Variants in ANK2 observed in about 807,000 individuals in gnomAD.
The protein encoded by ANK2 is ankyrin 2.
A neutral mutation model predicts 360.5 loss-of-function variants in ANK2; 83 were observed. The observed-to-expected ratio is 0.23, with a 90% confidence interval of 0.19 to 0.28. ANK2 has a LOEUF of 0.28. Among genes scored for constraint, ANK2 ranks in the 10% least tolerant of loss-of-function variants. ANK2 has a pLI of 1.00. For missense variants in ANK2, 4,201 were observed against 4,795.7 expected (o/e 0.88, Z 3.66); for synonymous variants, 1,740 against 1,759.5 (o/e 0.99, Z 0.28).
intron 2 of ANK2, among the ~76,000 whole-genome samples, chr4:112,943,460 T>G (rs1298857275): frequency 6.6e-6 from 1 of 151,982 alleles, no homozygotes; most frequent in Non-Finnish European, 1.5e-5. Context: ...GAGAATCAGA[T>G]TCCTGTTACT....
At position 113,246,470 on chromosome 4, in the gene ANK2, T is replaced by C. The variant is rs113081610; in HGVS notation, c.892-3294T>C. Among the ~76,000 whole-genome samples, 58 of 152,312 alleles carry C rather than the reference T, an allele frequency of 3.8e-4. 1 individual carries two copies. Among genetic ancestry groups the C allele is most frequent in the African/African-American group, 1.4e-3 (57 of 41,576 alleles). On this transcript the variant is annotated intron_variant, in intron 9 of 45. Transcript: ENST00000357077. The stretch of plus-strand genomic sequence containing the variant: ...TTACTGGTATCTGAAAGACCTCATT[T>C]CAATGTGAAAACGTAAATTTTATAG...
In ANK2 at chr4:112,850,294, A is replaced by C. The variant is rs562688238; in HGVS notation, c.-40+32030A>C. On this transcript the variant is annotated intron_variant, in intron 1 of 30. Coordinates refer to the ANK2 transcript ENST00000503271. ...TATCTATCTATCTATCTATCTATCT[A>C]TCTATCTAATTTGTTCATCCATCCA... Among the ~76,000 whole-genome samples the C allele has an allele frequency of 3.7e-5, 5 of 136,228 alleles. 1 individual carries two copies. Among genetic ancestry groups the C allele is most frequent in the African/African-American group, 8.6e-5 (3 of 34,838 alleles). 89.4% of individuals were successfully genotyped at this position (136,228 alleles called of 152,430 possible). A position where few individuals can be genotyped will look rare whatever the true frequency, so the allele number is the denominator to read the frequency against.
Position 112,985,699 on chromosome 4 carries a change from C to T in ANK2, c.21+81185C>T, listed in dbSNP as rs184956363. Among the ~76,000 whole-genome samples, 67 of 152,246 alleles carry T rather than the reference C, an allele frequency of 4.4e-4. No individual in the cohort carries two copies. In the East Asian group the frequency reaches 7.9e-3, roughly 18 times the overall value. ...AAAGTCTGCCTTTAGTCTCCTTATT[C>T]AAGTTTTTGGGTAGACTTTCTGATT... is the stretch of plus-strand genomic sequence containing the variant. On this transcript the variant is annotated intron_variant, in intron 2 of 30. Coordinates refer to the ANK2 transcript ENST00000503271.
At chr4:113,220,019 T>G (rs1243918727) in intron 4 of ANK2, among the ~76,000 whole-genome samples, 1 of 152,172 alleles carries the variant, frequency 6.6e-6, no homozygotes, top group African/African-American at 2.4e-5. Context: ...TGGTGGCTCA[T>G]TCATAACCAA....
At chr4:113,130,983 G>A (rs1439209099) in intron 1 of ANK2, among the ~76,000 whole-genome samples, 1 of 152,102 alleles carries the variant, frequency 6.6e-6, no homozygotes, top group Non-Finnish European at 1.5e-5. Flanking sequence ...TGAAGGATGA[G>A]ACAAAAAAAT....
chr4:113,171,083 G>A (rs1012465063), intron 1 of ANK2, among the ~76,000 whole-genome samples: 6 of 152,148 alleles, frequency 3.9e-5, no homozygotes, highest in Non-Finnish European at 5.9e-5. Flanking sequence ...TTGCTTTTAT[G>A]TGTGAAATCT....
chr4:113,241,266 C>A (rs922121596), intron 8 of ANK2, among the ~76,000 whole-genome samples: 25 of 152,198 alleles, frequency 1.6e-4, no homozygotes, highest in African/African-American at 6.0e-4. Flanking sequence ...AAGAAGTCAT[C>A]TGCACTGAAA....
At chr4:113,279,763 T>G (rs1165354832) in intron 17 of ANK2, among the ~76,000 whole-genome samples, 6 of 150,444 alleles carry the variant, frequency 4.0e-5, no homozygotes, top group Admixed American at 4.0e-4. Flanking sequence ...TCTACATATA[T>G]TTATATCTTT....
chr4:112,932,183 C>T (rs1442356499), intron 2 of ANK2, among the ~76,000 whole-genome samples: 2 of 151,992 alleles, frequency 1.3e-5, no homozygotes, highest in African/African-American at 2.4e-5. Context: ...GGTGAAACCC[C>T]GTTTCTACTA....
At chr4:112,769,228 C>T in the ANK2 span, among the ~76,000 whole-genome samples, 1 of 152,118 alleles carries the variant, frequency 6.6e-6, no homozygotes, top group African/African-American at 2.4e-5. Context: ...GTGGAATATG[C>T]TCATGGTGAT....
intron 1 of ANK2, among the ~76,000 whole-genome samples, chr4:113,054,674 C>T (rs1371944718): frequency 1.3e-5 from 2 of 152,012 alleles, no homozygotes; most frequent in South Asian, 2.1e-4. Context: ...ACCATTTGCC[C>T]TTTATAAAAT....
intron 32 of ANK2, among the ~76,000 whole-genome samples, chr4:113,340,299 TAAAAGTGA>T (rs899691891): frequency 6.6e-5 from 10 of 152,108 alleles, no homozygotes; most frequent in Non-Finnish European, 1.0e-4. Context: ...AATAGGCAGA[TAAAAGTGA>T]AAAAGAGAAT....
intron 1 of ANK2, among the ~76,000 whole-genome samples, chr4:113,164,966 G>C (rs1351575582): frequency 6.6e-6 from 1 of 151,976 alleles, no homozygotes; most frequent in African/African-American, 2.4e-5. Flanking sequence ...TTTTTCTCTC[G>C]ACCCAAATGT....
intron 1 of ANK2, among the ~76,000 whole-genome samples, chr4:112,876,577 A>G (rs1035504517): frequency 6.6e-6 from 1 of 152,092 alleles, no homozygotes; most frequent in Non-Finnish European, 1.5e-5. Context: ...GGAAAGTGTT[A>G]AAAAACAGAT....
At chr4:113,248,212 A>G (rs1308759647) in intron 9 of ANK2, among the ~76,000 whole-genome samples, 3 of 152,180 alleles carry the variant, frequency 2.0e-5, no homozygotes, top group Non-Finnish European at 4.4e-5. Flanking sequence ...AAATTTGATC[A>G]TTTGATTAGA....
rs548887756 is a variant in ANK2 at position 113,208,808 on chromosome 4, T to C, written c.384+9699T>C. Among the ~76,000 whole-genome samples, 62 of 152,082 alleles carry C rather than the reference T, an allele frequency of 4.1e-4. 2 individuals carry two copies. The highest frequency in any genetic ancestry group is 1.4e-3 in the African/African-American group (59 of 41,364). ...ATGAGCCACTTTGTTTCTGGTTTTG[T>C]TTTTGGTTTTGGTGAGGAGAGTAAG... is the stretch of plus-strand genomic sequence containing the variant. On this transcript the variant is annotated intron_variant, in intron 4 of 45. Coordinates refer to ENST00000357077, the MANE Select transcript of ANK2 (RefSeq NM_001148.6).
chr4:112,997,747 G>T (rs2049091147), intron 2 of ANK2, among the ~76,000 whole-genome samples: 1 of 151,250 alleles, frequency 6.6e-6, no homozygotes, highest in African/African-American at 2.4e-5. Flanking sequence ...GTATATATAT[G>T]TGTATATATA....
At chr4:112,919,547 A>G (rs1000835653) in intron 2 of ANK2, among the ~76,000 whole-genome samples, 1 of 152,116 alleles carries the variant, frequency 6.6e-6, no homozygotes, top group African/African-American at 2.4e-5. Flanking sequence ...CCTAAGTATT[A>G]ACAGTGCGAG....
At chr4:112,784,592 C>T in the ANK2 span, among the ~76,000 whole-genome samples, 3 of 152,110 alleles carry the variant, frequency 2.0e-5, no homozygotes, top group South Asian at 4.2e-4. Context: ...ATCCGCCCGC[C>T]TCGGCCTCCC....
Sources: allele counts gnomAD v4.1 joint callset (sites outside exome capture counted in the v4.1 genomes callset), GRCh38; gene constraint gnomAD v4.1.1; transcripts MANE v1.5; gene names NCBI Gene and HGNC (gene_info 2026-07-23, HGNC 2026-07-21).